C2orf66: variants seen among roughly 807,000 people sequenced by gnomAD.
C2orf66 encodes uncharacterized protein C2orf66.
C2orf66 carries 6 observed loss-of-function variants against 7.0 expected under a neutral mutation model. That is an observed-to-expected ratio of 0.86 (90% CI 0.47 to 1.69). C2orf66 has a LOEUF of 1.69. Ranked by LOEUF, C2orf66 falls within the 40% of genes most tolerant of loss-of-function variation. The pLI, the probability that C2orf66 is intolerant of heterozygous loss-of-function variation, is 0.01. For missense variants in C2orf66, 107 were observed against 112.0 expected, an observed-to-expected ratio of 0.96 and a Z score of 0.20; for synonymous variants, 38 against 43.8, an observed-to-expected ratio of 0.87 and a Z score of 0.52.
chr2:196,821,595 A>G, the C2orf66 span, among the ~76,000 whole-genome samples: 1 of 152,222 alleles, frequency 6.6e-6, no homozygotes, highest in Non-Finnish European at 1.5e-5. Context: ...CTATAATTGA[A>G]TATCTTTTTG....
At chr2:196,814,837 T>G in the C2orf66 span, among the ~76,000 whole-genome samples, 1 of 152,192 alleles carries the variant, frequency 6.6e-6, no homozygotes, top group African/African-American at 2.4e-5. Flanking sequence ...AAGAAATATT[T>G]ATAGTTTCTC....
Position 196,807,640 on chromosome 2 carries a change from A to C in C2orf66, c.124-18T>G. On this transcript the variant is annotated intron_variant, in intron 1 of 2. Transcript: ENST00000342506. ...CTGAAAAACTAAAGAGAGAAAGAAA[A>C]TGGTCAATGCCAGATATAAATGAAA... 1 of 1,591,070 alleles carries C rather than the reference A, an allele frequency of 6.3e-7. No individual in the cohort carries two copies. The highest frequency in any genetic ancestry group is 8.6e-7 in the Non-Finnish European group (1 of 1,168,188).
At chr2:196,816,541 G>T in the C2orf66 span, among the ~76,000 whole-genome samples, 5 of 152,308 alleles carry the variant, frequency 3.3e-5, no homozygotes, top group East Asian at 9.6e-4. Context: ...GGGACTATTA[G>T]AAGGAAGGAG....
chr2:196,806,413 G>A (rs1157125990), intron 2 of C2orf66, among the ~76,000 whole-genome samples: 2 of 151,798 alleles, frequency 1.3e-5, no homozygotes, highest in Admixed American at 6.6e-5. Flanking sequence ...TAGCCAGGAC[G>A]GTCTCGATTT....
At chr2:196,809,917 T>A (rs187370544), upstream of C2orf66, 3 of 151,870 alleles carry the variant, frequency 2.0e-5, no homozygotes, top group Admixed American at 2.0e-4. Flanking sequence ...TTACCAGGAG[T>A]TTGGTTTTGG....
the C2orf66 span, among the ~76,000 whole-genome samples, chr2:196,826,771 A>T: frequency 6.6e-6 from 1 of 152,090 alleles, no homozygotes; most frequent in African/African-American, 2.4e-5. Flanking sequence ...AGTGGCTCAC[A>T]CCTGTAACCC....
chr2:196,812,553 A>G (rs1699887475), upstream of C2orf66, among the ~76,000 whole-genome samples: 4 of 152,208 alleles, frequency 2.6e-5, no homozygotes, highest in Non-Finnish European at 5.9e-5. Flanking sequence ...CACCACTCCT[A>G]TTCAACATAG....
chr2:196,818,587 T>C, the C2orf66 span, among the ~76,000 whole-genome samples: 1 of 151,764 alleles, frequency 6.6e-6, no homozygotes, highest in Non-Finnish European at 1.5e-5. Context: ...AGGAGTAGAG[T>C]CAACAGAGGA....
intron 2 of C2orf66, among the ~76,000 whole-genome samples, chr2:196,806,464 T>C (rs2125757542): frequency 6.6e-6 from 1 of 152,040 alleles, no homozygotes; most frequent in African/African-American, 2.4e-5. Flanking sequence ...CCCAAAGTGC[T>C]GGGATTACAG....
intron 2 of C2orf66, among the ~76,000 whole-genome samples, chr2:196,806,383 G>T (rs1699820321): frequency 6.6e-6 from 1 of 151,854 alleles, no homozygotes; most frequent in Non-Finnish European, 1.5e-5. Context: ...ATTTTTAGTA[G>T]AGATGGGGTT....
the C2orf66 span, among the ~76,000 whole-genome samples, chr2:196,818,247 T>C: frequency 6.6e-6 from 1 of 152,124 alleles, no homozygotes; most frequent in African/African-American, 2.4e-5. Context: ...AGGTTGGCCA[T>C]GCTTCCTCCA....
chr2:196,814,407 C>A, the C2orf66 span, among the ~76,000 whole-genome samples: 1 of 152,014 alleles, frequency 6.6e-6, no homozygotes, highest in South Asian at 2.1e-4. Context: ...GAACATCACA[C>A]ACTGGGGCCT....
chr2:196,830,942 A>C, the C2orf66 span, among the ~76,000 whole-genome samples: 1 of 152,140 alleles, frequency 6.6e-6, no homozygotes, highest in Non-Finnish European at 1.5e-5. Flanking sequence ...AGAGAGTGTA[A>C]CCTATCTCTC....
chr2:196,831,042 T>A, the C2orf66 span, among the ~76,000 whole-genome samples: 164 of 152,288 alleles, frequency 1.1e-3, no homozygotes, highest in East Asian at 0.019. Flanking sequence ...AAATCAGGTC[T>A]TTGGGCCAGA....
At chr2:196,815,132 CTTTTT>C in the C2orf66 span, among the ~76,000 whole-genome samples, 8 of 148,816 alleles carry the variant, frequency 5.4e-5, no homozygotes, top group African/African-American at 2.0e-4. Flanking sequence ...GGCTGGCTCT[CTTTTT>C]TTTTTCTTTT....
At position 196,804,531 on chromosome 2, in the gene C2orf66, G is replaced by A. The variant is rs1003266018; in HGVS notation, c.*897C>T. 2.6e-5 allele frequency among the ~76,000 whole-genome samples: 4 copies of A among 152,176 alleles called. No homozygotes were observed. The highest frequency in any genetic ancestry group is 9.7e-5 in the African/African-American group (4 of 41,448). On this transcript the variant is annotated 3_prime_UTR_variant, in exon 3 of 3. Coordinates refer to ENST00000342506, the MANE Select transcript of C2orf66 (RefSeq NM_213608.3). ...AATGTTAGGACAATGTTGCATTTTA[G>A]TGCAACATTCCTTTTGCAGGAATCA... is the stretch of plus-strand genomic sequence containing the variant.
At chr2:196,820,652 C>A in the C2orf66 span, among the ~76,000 whole-genome samples, 14 of 152,288 alleles carry the variant, frequency 9.2e-5, no homozygotes, top group Admixed American at 9.2e-4. Flanking sequence ...GAGTTCCTAG[C>A]ATGTTACTTA....
chr2:196,826,666 A>T, the C2orf66 span, among the ~76,000 whole-genome samples: 1 of 152,144 alleles, frequency 6.6e-6, no homozygotes, highest in Non-Finnish European at 1.5e-5. Context: ...CACAACACTG[A>T]ATTTAATACC....
the C2orf66 span, among the ~76,000 whole-genome samples, chr2:196,815,918 A>G: frequency 6.6e-6 from 1 of 152,190 alleles, no homozygotes; most frequent in African/African-American, 2.4e-5. Flanking sequence ...TGAATAGGAA[A>G]ATTATTATTT....
Sources: gnomAD v4.1 joint callset for allele counts (sites outside exome capture counted in the v4.1 genomes callset) on GRCh38, gnomAD v4.1.1 for gene constraint, MANE v1.5 for transcripts, NCBI Gene and HGNC (gene_info 2026-07-23, HGNC 2026-07-21) for gene names.